Variants in RXRA observed in about 807,000 individuals in gnomAD.
RXRA encodes retinoid X receptor alpha.
RXRA carries 5 observed loss-of-function variants against 44.5 expected under a neutral mutation model. That is an observed-to-expected ratio of 0.11 (90% CI 0.06 to 0.24). The LOEUF (loss-of-function observed/expected upper bound fraction) is 0.24, where lower values mean the gene tolerates loss of function less well. Ranked by LOEUF, RXRA falls within the 10% of genes least tolerant of loss-of-function variation. The pLI is 1.00. For missense variants in RXRA, 412 were observed against 646.5 expected, an observed-to-expected ratio of 0.64 and a Z score of 3.93; for synonymous variants, 291 against 271.4, an observed-to-expected ratio of 1.07 and a Z score of -0.71.
chr9:134,329,398 G>A (rs928876572), intron 1 of RXRA, among the ~76,000 whole-genome samples: 2 of 152,238 alleles, frequency 1.3e-5, no homozygotes, highest in Non-Finnish European at 2.9e-5. Flanking sequence ...GTAAACTCTG[G>A]AGGGGCCCTG....
At chr9:134,368,896 A>ATG (rs1199430553) in intron 1 of RXRA, among the ~76,000 whole-genome samples, 2 of 31,804 alleles carry the variant, frequency 6.3e-5, no homozygotes, top group Admixed American at 4.4e-4. Flanking sequence ...TGCAGGGGTT[A>ATG]TGTGTGTGTG....
intron 1 of RXRA, among the ~76,000 whole-genome samples, chr9:134,328,318 C>T (rs569015550): frequency 3.0e-4 from 45 of 152,262 alleles, no homozygotes; most frequent in African/African-American, 9.6e-4. Context: ...TCTAATGCTC[C>T]GGGTGGGACA....
chr9:134,357,287 T>C (rs985072426), intron 1 of RXRA, among the ~76,000 whole-genome samples: 1 of 152,184 alleles, frequency 6.6e-6, no homozygotes, highest in African/African-American at 2.4e-5. Context: ...CAGAGTTCGC[T>C]GCTGAGCGGG....
At chr9:134,392,595 C>G (rs1347561672) in intron 1 of RXRA, among the ~76,000 whole-genome samples, 1 of 152,192 alleles carries the variant, frequency 6.6e-6, no homozygotes, top group Non-Finnish European at 1.5e-5. Context: ...GCCAAGCCCT[C>G]CTGACTTCTG....
At chr9:134,382,245 G>A (rs1048038148) in intron 1 of RXRA, among the ~76,000 whole-genome samples, 2 of 151,974 alleles carry the variant, frequency 1.3e-5, no homozygotes, top group Non-Finnish European at 2.9e-5. Flanking sequence ...GCCGCATGTG[G>A]GGAGGAAGGA....
intron 6 of RXRA, 128 bp from the exon 7 acceptor site, chr9:134,428,980 T>G: frequency 8.9e-7 from 1 of 1,121,176 alleles, no homozygotes; most frequent in Non-Finnish European, 1.3e-6. Flanking sequence ...TTCATGGGAT[T>G]GGGGTTCCAG....
Position 134,376,018 on chromosome 9 carries a change from G to A in RXRA, c.29-25614G>A, listed in dbSNP as rs748619180. On this transcript the variant is annotated intron_variant, in intron 1 of 9. Coordinates refer to ENST00000481739, the MANE Select transcript of RXRA (RefSeq NM_002957.6). ...CGCAGCCTGCTGGCCTCCCTTCTCCGCATGCGGGCAGATCATGACAAGCCT... is the reference window on the plus strand; with the variant it reads ...CGCAGCCTGCTGGCCTCCCTTCTCCACATGCGGGCAGATCATGACAAGCCT... Among the ~76,000 whole-genome samples the A allele has an allele frequency of 5.2e-5, 7 of 135,896 alleles. No individual in the cohort carries two copies. The South Asian group carries it at 7.9e-4, about 15-fold the overall frequency. The allele number at this position is 135,896 out of a possible 152,430, so 89.2% of individuals were successfully genotyped here.
chr9:134,339,471 G>A (rs1830055592), intron 1 of RXRA, among the ~76,000 whole-genome samples: 1 of 151,790 alleles, frequency 6.6e-6, no homozygotes, highest in Admixed American at 6.6e-5. Context: ...GTGAGCCTGT[G>A]TGTGGGTGTG....
intron 4 of RXRA, among the ~76,000 whole-genome samples, chr9:134,414,243 A>T (rs1831197121): frequency 6.6e-6 from 1 of 152,248 alleles, no homozygotes; most frequent in Non-Finnish European, 1.5e-5. Flanking sequence ...GGTGCCAAGG[A>T]GCCCAGCTCC....
rs937741202 is a variant in RXRA, at chr9:134,407,419, G to T, written c.280-730G>T. Reference sequence around the variant, plus strand: ...CGCCTGTGGGTCCTCGGCGCTGACTGCAGAGCTGGGTGGAGGCAGCGGAAC... The same window carrying T: ...CGCCTGTGGGTCCTCGGCGCTGACTTCAGAGCTGGGTGGAGGCAGCGGAAC... On this transcript the variant is annotated intron_variant, in intron 2 of 9. Transcript: ENST00000481739. This position sits in a 1 kb window ranked among gnomAD's most constrained non-coding sequence, Gnocchi z 4.8. 2.0e-5 allele frequency among the ~76,000 whole-genome samples: 3 copies of T among 152,226 alleles called. No homozygotes were observed. The highest frequency in any genetic ancestry group is 7.2e-5 in the African/African-American group (3 of 41,464).
intron 2 of RXRA, chr9:134,406,405 A>G (rs1262735433): frequency 1.3e-5 from 2 of 152,050 alleles, no homozygotes; most frequent in Admixed American, 6.6e-5. Flanking sequence ...AAAAAAAAAA[A>G]AAAAAAAAAG....
At chr9:134,398,527 A>C (rs1830913754) in intron 1 of RXRA, among the ~76,000 whole-genome samples, 1 of 152,168 alleles carries the variant, frequency 6.6e-6, no homozygotes, top group South Asian at 2.1e-4. Context: ...GGTGTCTGCT[A>C]TGGACGGAGT....
chr9:134,388,375 G>A (rs1028550408), intron 1 of RXRA, among the ~76,000 whole-genome samples: 2 of 152,110 alleles, frequency 1.3e-5, no homozygotes, highest in Admixed American at 6.6e-5. Flanking sequence ...CACTCTGAGC[G>A]TCTCCTGAAG....
rs1346142184 is a variant in RXRA at position 134,365,271 on chromosome 9, G to A, written c.29-36361G>A. ...ATAGAGGTTGAGGATCACAGCCCCA[G>A]CCTGCAGGCGCTCGAGCTGAAAGCC... On this transcript the variant is annotated intron_variant, in intron 1 of 9. Coordinates refer to ENST00000481739, the MANE Select transcript of RXRA (RefSeq NM_002957.6). This position sits in a 1 kb window ranked among gnomAD's most constrained non-coding sequence, Gnocchi z 4.0. Among the ~76,000 whole-genome samples the A allele has an allele frequency of 2.0e-5, 3 of 152,224 alleles. No homozygotes were observed. The highest frequency in any genetic ancestry group is 7.2e-5 in the African/African-American group (3 of 41,450).
chr9:134,339,911 G>A (rs1830066016), intron 1 of RXRA, among the ~76,000 whole-genome samples: 1 of 152,124 alleles, frequency 6.6e-6, no homozygotes, highest in African/African-American at 2.4e-5. Flanking sequence ...GTGTCTGTGT[G>A]TGAACCTGTG....
rs114466832 is a variant in RXRA, at chr9:134,362,458, C to T, written c.28+35799C>T. Reference sequence around the variant, plus strand: ...ACAAACTGTGTTTCCAGCGGCTTGTCCAAGGTTTGGCTTCCCCAGCTCCCG... The same window carrying T: ...ACAAACTGTGTTTCCAGCGGCTTGTTCAAGGTTTGGCTTCCCCAGCTCCCG... On this transcript the variant is annotated intron_variant, in intron 1 of 9. Transcript: ENST00000481739. 2.6e-3 allele frequency among the ~76,000 whole-genome samples: 393 copies of T among 152,340 alleles called. 1 individual carries two copies. Among genetic ancestry groups the T allele is most frequent in the African/African-American group, 9.1e-3 (377 of 41,576 alleles).
At chr9:134,377,584 G>A (rs530096113) in intron 1 of RXRA, among the ~76,000 whole-genome samples, 5 of 152,300 alleles carry the variant, frequency 3.3e-5, no homozygotes, top group South Asian at 4.1e-4. Flanking sequence ...GCGACCCCTC[G>A]GAGATATCCG....
intron 6 of RXRA, among the ~76,000 whole-genome samples, 196 bp from the exon 7 acceptor site, chr9:134,428,912 G>T (rs1197445138): frequency 6.6e-6 from 1 of 152,210 alleles, no homozygotes; most frequent in African/African-American, 2.4e-5. Flanking sequence ...AGGGCCTTTC[G>T]TGTGCCGGTG....
In RXRA at chr9:134,417,615, C is replaced by T. The variant is rs7861779; in HGVS notation, c.780+288C>T. On this transcript the variant is annotated intron_variant, in intron 5 of 9. Transcript: ENST00000481739. This position sits in a 1 kb window ranked among gnomAD's most constrained non-coding sequence, Gnocchi z 6.1. ...GCGGCCACATCATCATCCTCGGCCA[C>T]CTCTGCTGGGGCCTCAGCCGCCGTG... is the stretch of plus-strand genomic sequence containing the variant. Among the ~76,000 whole-genome samples, 41,165 of 151,834 alleles carry T rather than the reference C, an allele frequency of 0.27. 8,718 individuals carry two copies. Among genetic ancestry groups the T allele is most frequent in the African/African-American group, 0.59 (24,437 of 41,294 alleles).
Sources: gnomAD v4.1 joint callset for allele counts (sites outside exome capture counted in the v4.1 genomes callset) on GRCh38, gnomAD v4.1.1 for gene constraint, Gnocchi (gnomAD v3.1) non-coding constraint, MANE v1.5 for transcripts, NCBI Gene and HGNC (gene_info 2026-07-23, HGNC 2026-07-21) for gene names.